The following KSR2 variants were observed in gnomAD, a reference collection of about 807,000 sequenced individuals.
KSR2 encodes the protein kinase suppressor of ras 2.
A neutral mutation model predicts 107.8 loss-of-function variants in KSR2; 25 were observed. The ratio of observed to expected loss-of-function variants is 0.23; its 90% CI spans 0.17 to 0.32. The LOEUF (loss-of-function observed/expected upper bound fraction) is 0.32. Ranked by LOEUF, KSR2 falls within the 10% of genes least tolerant of loss-of-function variation. KSR2 has a pLI of 1.00. For missense variants in KSR2, 887 were observed against 1,268.9 expected (o/e 0.70, Z 4.57); for synonymous variants, 480 against 507.0 (o/e 0.95, Z 0.71).
chr12:117,777,492 G>A (rs1325428065), intron 3 of KSR2, among the ~76,000 whole-genome samples: 1 of 152,170 alleles, frequency 6.6e-6, no homozygotes, highest in African/African-American at 2.4e-5. Context: ...TCAACCTCAG[G>A]GGTTGTGCAC....
chr12:117,767,271 A>T (rs1283961385), intron 3 of KSR2, among the ~76,000 whole-genome samples: 1 of 150,988 alleles, frequency 6.6e-6, no homozygotes, highest in Admixed American at 6.6e-5. Flanking sequence ...AAAAAAAAAA[A>T]AAAAATAGCC....
intron 1 of KSR2, among the ~76,000 whole-genome samples, chr12:117,901,234 T>C (rs1282389745): frequency 1.3e-5 from 2 of 151,882 alleles, no homozygotes; most frequent in East Asian, 3.9e-4. Context: ...AATAAACATA[T>C]GATACAATAA....
chr12:117,657,008 A>AG (rs1884211441), intron 5 of KSR2, among the ~76,000 whole-genome samples: 1 of 91,996 alleles, frequency 1.1e-5, no homozygotes, highest in Non-Finnish European at 2.2e-5. Flanking sequence ...ATATATATAT[A>AG]TATATATCCT....
intron 1 of KSR2, among the ~76,000 whole-genome samples, chr12:117,924,591 A>G (rs1329360991): frequency 2.7e-5 from 4 of 150,578 alleles, no homozygotes; most frequent in East Asian, 3.9e-4. Flanking sequence ...AAAAAAAAAA[A>G]AAAAAGAAAG....
intron 5 of KSR2, among the ~76,000 whole-genome samples, chr12:117,616,393 C>T (rs1412437225): frequency 6.6e-6 from 1 of 152,128 alleles, no homozygotes; most frequent in African/African-American, 2.4e-5. Context: ...CATGGCTGTT[C>T]AATAACTAAA....
chr12:117,562,899 C>G (rs1878218105), intron 7 of KSR2, among the ~76,000 whole-genome samples: 1 of 152,176 alleles, frequency 6.6e-6, no homozygotes, highest in Admixed American at 6.5e-5. Context: ...GGCACTTAAA[C>G]CTTGCACTTA....
chr12:117,803,396 G>C (rs1419023051), intron 3 of KSR2, among the ~76,000 whole-genome samples: 1 of 152,204 alleles, frequency 6.6e-6, no homozygotes, highest in Non-Finnish European at 1.5e-5. Flanking sequence ...CCCATGCTGG[G>C]GAGCTTATAG....
At chr12:117,564,262 C>T (rs139310834) in intron 7 of KSR2, among the ~76,000 whole-genome samples, 7 of 152,314 alleles carry the variant, frequency 4.6e-5, no homozygotes, top group Non-Finnish European at 8.8e-5. Context: ...TCCCAGGCAC[C>T]AGGGAAGGTC....
At chr12:117,789,821 G>A (rs1294603872) in intron 3 of KSR2, among the ~76,000 whole-genome samples, 1 of 152,140 alleles carries the variant, frequency 6.6e-6, no homozygotes, top group Non-Finnish European at 1.5e-5. Flanking sequence ...AAACAGACAA[G>A]GTCCCCATCC....
chr12:117,704,219 T>G (rs953100335), intron 4 of KSR2, among the ~76,000 whole-genome samples: 1 of 152,222 alleles, frequency 6.6e-6, no homozygotes, highest in African/African-American at 2.4e-5. Flanking sequence ...TCTTTAGTTA[T>G]GGAAACTCAA....
chr12:117,740,401 G>T (rs1888137423), intron 4 of KSR2, among the ~76,000 whole-genome samples: 1 of 131,266 alleles, frequency 7.6e-6, no homozygotes, highest in Non-Finnish European at 1.6e-5. Context: ...TATAATATAT[G>T]TACTATATAC....
intron 4 of KSR2, among the ~76,000 whole-genome samples, chr12:117,757,941 C>G (rs1391515168): frequency 6.6e-6 from 1 of 152,118 alleles, no homozygotes; most frequent in Non-Finnish European, 1.5e-5. Context: ...TTACTGAAAA[C>G]AAGTTTTACA....
At chr12:117,742,532 G>GTGGATGGGTGGA (rs1888258057) in intron 4 of KSR2, among the ~76,000 whole-genome samples, 1 of 149,462 alleles carries the variant, frequency 6.7e-6, no homozygotes, top group African/African-American at 2.5e-5. Context: ...GGATGGATGG[G>GTGGATGGGTGGA]TGGATGGATG....
chr12:117,482,202 T>TGA (rs1487822600), intron 16 of KSR2, among the ~76,000 whole-genome samples: 1 of 151,708 alleles, frequency 6.6e-6, no homozygotes, highest in African/African-American at 2.4e-5. Context: ...AGCAGGGAGA[T>TGA]GAGAGAGACC....
At chr12:117,484,363 C>G in intron 16 of KSR2, 53 bp downstream of exon 16, 1 of 1,602,294 alleles carries the variant, frequency 6.2e-7, no homozygotes, top group Non-Finnish European at 8.5e-7. Context: ...AACTTCCCAC[C>G]TCCTGACCAT....
At chr12:117,932,480 C>G (rs1895720625) in intron 1 of KSR2, among the ~76,000 whole-genome samples, 1 of 152,126 alleles carries the variant, frequency 6.6e-6, no homozygotes. Context: ...CTTTGGGAGG[C>G]TAAGGTGGGA....
chr12:117,541,378 C>G (rs574355681), intron 9 of KSR2, among the ~76,000 whole-genome samples: 2 of 152,284 alleles, frequency 1.3e-5, no homozygotes, highest in East Asian at 3.9e-4. Flanking sequence ...CATTTGCAGG[C>G]ATGTTCTCCT....
At chr12:117,831,172 TTTCTCTTTCC>T (rs1891950009) in intron 3 of KSR2, among the ~76,000 whole-genome samples, 1 of 152,256 alleles carries the variant, frequency 6.6e-6, no homozygotes, top group South Asian at 2.1e-4. Flanking sequence ...TCACTCTTTC[TTTCTCTTTCC>T]CAATAAATCC....
At chr12:117,478,644 T>C (rs1029558039) in intron 16 of KSR2, among the ~76,000 whole-genome samples, 1 of 151,976 alleles carries the variant, frequency 6.6e-6, no homozygotes, top group Non-Finnish European at 1.5e-5. Flanking sequence ...TGCTATGTGA[T>C]CTTGCTATGT....
Sources: allele counts gnomAD v4.1 joint callset (sites outside exome capture counted in the v4.1 genomes callset), GRCh38; gene constraint gnomAD v4.1.1; transcripts MANE v1.5; gene names NCBI Gene and HGNC (gene_info 2026-07-23, HGNC 2026-07-21).